The following COL24A1 variants were observed in gnomAD, a reference collection of about 807,000 sequenced individuals.
The protein encoded by COL24A1 is collagen alpha-1(XXIV) chain.
A neutral mutation model predicts 253.9 loss-of-function variants in COL24A1; 224 were observed. The observed-to-expected ratio is 0.88, with a 90% CI of 0.79 to 0.99. The LOEUF (loss-of-function observed/expected upper bound fraction) is 0.99. Ranked by LOEUF, COL24A1 falls within the 50% of genes least tolerant of loss-of-function variation. The probability of loss-of-function intolerance (pLI) is 0.00; values close to 1 mark genes in which losing one functional copy is unlikely to be tolerated. For missense variants in COL24A1, 2,131 were observed against 2,068.5 expected, an observed-to-expected ratio of 1.03 and a Z score of -0.59; for synonymous variants, 685 against 673.7, an observed-to-expected ratio of 1.02 and a Z score of -0.26.
chr1:85,861,777 C>A (rs1679178001), intron 37 of COL24A1, among the ~76,000 whole-genome samples: 1 of 152,160 alleles, frequency 6.6e-6, no homozygotes, highest in African/African-American at 2.4e-5. Flanking sequence ...GAATAAAACC[C>A]AAATTTCTTA....
intron 53 of COL24A1, among the ~76,000 whole-genome samples, chr1:85,762,525 GT>G (rs766619727): frequency 2.0e-5 from 3 of 152,172 alleles, no homozygotes; most frequent in East Asian, 3.9e-4. Flanking sequence ...ATTAATACCA[GT>G]TAATTTTAAT....
chr1:85,955,782 G>C (rs1299442612), intron 24 of COL24A1, among the ~76,000 whole-genome samples: 1 of 152,208 alleles, frequency 6.6e-6, no homozygotes, highest in Non-Finnish European at 1.5e-5. Context: ...ACCAATCACT[G>C]TATCAAATGA....
intron 34 of COL24A1, among the ~76,000 whole-genome samples, 198 bp downstream of exon 34, chr1:85,875,079 T>A (rs1276601041): frequency 6.6e-6 from 1 of 152,200 alleles, no homozygotes; most frequent in East Asian, 1.9e-4. Flanking sequence ...CTGTCTTCCA[T>A]GAAACTTGTC....
At chr1:85,827,829 T>G (rs1463927079) in intron 43 of COL24A1, among the ~76,000 whole-genome samples, 1 of 152,116 alleles carries the variant, frequency 6.6e-6, no homozygotes, top group East Asian at 1.9e-4. Flanking sequence ...TTTATTAGTC[T>G]TGCTAGTGGT....
chr1:86,045,031 C>A (rs1435518342), intron 12 of COL24A1, among the ~76,000 whole-genome samples: 1 of 151,676 alleles, frequency 6.6e-6, no homozygotes, highest in Non-Finnish European at 1.5e-5. Context: ...ACTCTGTCAC[C>A]CAGGCTGGAG....
intron 24 of COL24A1, among the ~76,000 whole-genome samples, chr1:85,925,512 A>C (rs1430761620): frequency 6.6e-6 from 1 of 152,160 alleles, no homozygotes; most frequent in African/African-American, 2.4e-5. Context: ...CCTCAGAAAT[A>C]ACGCCGCATA....
intron 57 of COL24A1, among the ~76,000 whole-genome samples, chr1:85,740,376 G>A (rs951014627): frequency 1.3e-5 from 2 of 152,132 alleles, no homozygotes; most frequent in African/African-American, 2.4e-5. Context: ...GGAATCTGAA[G>A]AAAATTTATG....
intron 12 of COL24A1, among the ~76,000 whole-genome samples, chr1:86,039,725 C>A (rs745909760): frequency 1.1e-4 from 16 of 152,138 alleles, no homozygotes; most frequent in Non-Finnish European, 1.0e-4. Flanking sequence ...ATTAGAAACA[C>A]TAAAATTTAA....
At chr1:85,767,732 C>T (rs1042902480) in intron 53 of COL24A1, among the ~76,000 whole-genome samples, 1 of 151,570 alleles carries the variant, frequency 6.6e-6, no homozygotes. Context: ...GAAGTTTGCA[C>T]CTTATTTATG....
chr1:86,029,611 A>ATT (rs199577782), intron 14 of COL24A1, among the ~76,000 whole-genome samples: 93 of 129,550 alleles, frequency 7.2e-4, no homozygotes, highest in South Asian at 5.6e-3. Flanking sequence ...TATTTATTTG[A>ATT]TTTTTTTTTT....
At chr1:86,106,597 T>C (rs1459722703) in intron 5 of COL24A1, among the ~76,000 whole-genome samples, 1 of 152,166 alleles carries the variant, frequency 6.6e-6, no homozygotes, top group Non-Finnish European at 1.5e-5. Flanking sequence ...AGCATAATTT[T>C]ACGTGTTTAA....
intron 2 of COL24A1, among the ~76,000 whole-genome samples, chr1:86,134,313 T>C (rs933441640): frequency 2.0e-5 from 3 of 151,950 alleles, no homozygotes; most frequent in African/African-American, 7.2e-5. Flanking sequence ...CCTGGATTCA[T>C]TGATTTTTTG....
At chr1:85,933,404 G>A (rs75895793) in intron 24 of COL24A1, among the ~76,000 whole-genome samples, 2 of 151,808 alleles carry the variant, frequency 1.3e-5, no homozygotes, top group East Asian at 1.9e-4. Flanking sequence ...AATCTATCAC[G>A]ATTGGTTGGG....
chr1:85,856,771 C>T (rs575459713), intron 37 of COL24A1, among the ~76,000 whole-genome samples: 1 of 152,236 alleles, frequency 6.6e-6, no homozygotes, highest in East Asian at 1.9e-4. Flanking sequence ...AGGAGTTTGC[C>T]TGTTCAGCCT....
At chr1:86,097,949 C>A (rs1605417) in intron 5 of COL24A1, among the ~76,000 whole-genome samples, 1 of 152,002 alleles carries the variant, frequency 6.6e-6, no homozygotes, top group Non-Finnish European at 1.5e-5. Context: ...TGGAAATTCT[C>A]GTCCAGATAG....
At chr1:86,010,511 G>T (rs511732) in intron 19 of COL24A1, among the ~76,000 whole-genome samples, 27,662 of 152,038 alleles carry the variant, frequency 0.18, 3,197 homozygotes, top group African/African-American at 0.32. Flanking sequence ...GAGAAATGTT[G>T]ATTGGAATGC....
chr1:85,767,282 C>T (rs923965956), intron 53 of COL24A1, among the ~76,000 whole-genome samples: 8 of 152,084 alleles, frequency 5.3e-5, no homozygotes, highest in Admixed American at 5.2e-4. Context: ...AGAATGACCT[C>T]CGCGAATGTA....
At chr1:85,839,340 C>T (rs1224433471) in intron 42 of COL24A1, among the ~76,000 whole-genome samples, 1 of 152,174 alleles carries the variant, frequency 6.6e-6, no homozygotes, top group Non-Finnish European at 1.5e-5. Context: ...CAGTTCAGTA[C>T]ATAATTCCAT....
intron 24 of COL24A1, among the ~76,000 whole-genome samples, chr1:85,943,078 A>ACT (rs1688907774): frequency 6.6e-6 from 1 of 152,160 alleles, no homozygotes; most frequent in African/African-American, 2.4e-5. Context: ...CCTGGAGAGA[A>ACT]CCAATACAGA....
Sources: allele counts gnomAD v4.1 joint callset (sites outside exome capture counted in the v4.1 genomes callset), GRCh38; gene constraint gnomAD v4.1.1; transcripts MANE v1.5; gene names NCBI Gene and HGNC (gene_info 2026-07-23, HGNC 2026-07-21).